Variants in TOP1 observed in about 807,000 individuals in gnomAD.
TOP1 encodes DNA topoisomerase 1.
Under a neutral mutation model 111.1 loss-of-function variants are expected in TOP1, and 10 were observed. The ratio of observed to expected loss-of-function variants is 0.09; its 90% confidence interval spans 0.06 to 0.15. TOP1 has a LOEUF of 0.15. Among genes scored for constraint, TOP1 ranks in the 10% least tolerant of loss-of-function variants. The pLI is 1.00. For missense variants in TOP1, 474 were observed against 926.7 expected, an observed-to-expected ratio of 0.51 and a Z score of 6.34; for synonymous variants, 271 against 302.9, an observed-to-expected ratio of 0.89 and a Z score of 1.10.
intron 3 of TOP1, chr20:41,073,415 AC>A: frequency 2.0e-6 from 2 of 984,816 alleles, no homozygotes; most frequent in Non-Finnish European, 2.4e-6. Flanking sequence ...AAGAAAAGAA[AC>A]AAGCAACCCC....
chr20:41,076,917 T>C (rs2033734012), intron 4 of TOP1, among the ~76,000 whole-genome samples: 1 of 152,198 alleles, frequency 6.6e-6, no homozygotes, highest in African/African-American at 2.4e-5. Flanking sequence ...CTTCCATAGA[T>C]ACTCTGTATA....
rs2034446537 is a variant in TOP1 at position 41,123,072 on chromosome 20, C to T, written c.2196-123C>T. 2 of 652,136 alleles carry T rather than the reference C, an allele frequency of 3.1e-6. No individual in the cohort carries two copies. The highest frequency in any genetic ancestry group is 5.5e-6 in the Non-Finnish European group (2 of 362,504). 40.4% of individuals were successfully genotyped at this position (652,136 alleles called of 1,614,324 possible). On this transcript the variant is annotated intron_variant, in intron 20 of 20. Transcript: ENST00000361337. This position sits in a 1 kb window ranked among gnomAD's most constrained non-coding sequence, Gnocchi z 5.8. ...AAACCTTTAGAACATGCTTGGTGCA[C>T]TATTAATTTGCATCCTCACTAGACA...
chr20:41,081,128 A>G, intron 6 of TOP1, 37 bp from the exon 7 acceptor site: 2 of 1,563,258 alleles, frequency 1.3e-6, no homozygotes, highest in Non-Finnish European at 8.7e-7. Context: ...CCTGAATCAT[A>G]ATTATGTTAA....
At position 41,114,225 on chromosome 20, in the gene TOP1, T is replaced by G. The variant is rs754130462; in HGVS notation, c.1638+70T>G. ...AACAAGCATGGGTTGACTGCTTTTT[T>G]GTGTGCTTTGCACTTTGCTGGGCAC... On this transcript the variant is annotated intron_variant, in intron 15 of 20. Coordinates refer to ENST00000361337, the MANE Select transcript of TOP1 (RefSeq NM_003286.4). The surrounding 1 kb of genome is among the most constrained non-coding windows in gnomAD (Gnocchi z 4.5). 2.1e-4 allele frequency: 291 copies of G among 1,413,700 alleles called. No individual in the cohort carries two copies. The highest frequency in any genetic ancestry group is 2.8e-4 in the Non-Finnish European group (283 of 1,021,428). 87.6% of individuals were successfully genotyped at this position (1,413,700 alleles called of 1,614,324 possible).
At chr20:41,039,232 G>C (rs528679074) in intron 2 of TOP1, among the ~76,000 whole-genome samples, 1 of 152,176 alleles carries the variant, frequency 6.6e-6, no homozygotes, top group Non-Finnish European at 1.5e-5. Flanking sequence ...AAATTAGTAC[G>C]TTGTAGGTAT....
intron 11 of TOP1, among the ~76,000 whole-genome samples, chr20:41,099,582 G>A (rs2034030452): frequency 6.6e-6 from 1 of 152,068 alleles, no homozygotes; most frequent in South Asian, 2.1e-4. Flanking sequence ...ATAGTATAGA[G>A]TGTATATACC....
intron 3 of TOP1, among the ~76,000 whole-genome samples, chr20:41,075,691 A>G (rs1392647031): frequency 6.6e-6 from 1 of 152,204 alleles, no homozygotes; most frequent in African/African-American, 2.4e-5. Context: ...AGAAGTGACT[A>G]ACTTGCCTAG....
At chr20:41,041,134 C>T (rs1203868665) in intron 2 of TOP1, among the ~76,000 whole-genome samples, 1 of 152,042 alleles carries the variant, frequency 6.6e-6, no homozygotes, top group Non-Finnish European at 1.5e-5. Context: ...CTTTTGTTAT[C>T]CTCTTTTAAT....
rs2033969669 is a variant in TOP1 at position 41,095,448 on chromosome 20, C to T, written c.731-1772C>T. 1.3e-5 allele frequency among the ~76,000 whole-genome samples: 2 copies of T among 151,952 alleles called. No homozygotes were observed. Among genetic ancestry groups the T allele is most frequent in the African/African-American group, 2.4e-5 (1 of 41,348 alleles). ...TTAATGTTTTCCTTTATATTGGAAA[C>T]ATGTTACAGTTTTCTAAAGAAGTTC... On this transcript the variant is annotated intron_variant, in intron 9 of 20. Transcript: ENST00000361337. The surrounding 1 kb of genome is among the most constrained non-coding windows in gnomAD (Gnocchi z 4.6).
intron 2 of TOP1, among the ~76,000 whole-genome samples, chr20:41,040,589 C>T (rs1262237895): frequency 6.6e-6 from 1 of 152,008 alleles, no homozygotes; most frequent in Non-Finnish European, 1.5e-5. Flanking sequence ...TGAGAAGTCC[C>T]TAAGAAGTGC....
rs2034214055 is a variant in TOP1 at position 41,110,246 on chromosome 20, C to T, written c.1309-2536C>T. Among the ~76,000 whole-genome samples, 1 of 152,074 alleles carries T rather than the reference C, an allele frequency of 6.6e-6. No homozygotes were observed. ...GTTGCACTGAGCCGAGATTGCATCA[C>T]TGTACTCCAGCCTGGTGACAGAGCG... On this transcript the variant is annotated intron_variant, in intron 13 of 20. Transcript: ENST00000361337. The surrounding 1 kb of genome is among the most constrained non-coding windows in gnomAD (Gnocchi z 4.2).
chr20:41,053,062 T>G (rs140456110), intron 2 of TOP1, among the ~76,000 whole-genome samples: 109 of 152,332 alleles, frequency 7.2e-4, no homozygotes, highest in African/African-American at 2.3e-3. Context: ...GGGATTTTAT[T>G]TTTTAATATG....
At chr20:41,103,216 A>G (rs2034092363) in intron 13 of TOP1, among the ~76,000 whole-genome samples, 1 of 152,250 alleles carries the variant, frequency 6.6e-6, no homozygotes, top group South Asian at 2.1e-4. Flanking sequence ...TGGATCTTCT[A>G]AGCATACCGC....
intron 8 of TOP1, among the ~76,000 whole-genome samples, chr20:41,084,893 T>C (rs2145940774): frequency 6.6e-6 from 1 of 152,260 alleles, no homozygotes; most frequent in Admixed American, 6.5e-5. Context: ...ATTATGTAAG[T>C]CGTGTTGGGA....
intron 2 of TOP1, among the ~76,000 whole-genome samples, chr20:41,043,093 C>T (rs2033288308): frequency 6.6e-6 from 1 of 152,202 alleles, no homozygotes; most frequent in Non-Finnish European, 1.5e-5. Context: ...TGTGTGGTTT[C>T]CTGATCAGCA....
intron 3 of TOP1, chr20:41,073,328 A>G (rs970740611): frequency 2.0e-6 from 2 of 984,872 alleles, no homozygotes; most frequent in Non-Finnish European, 2.4e-6. Flanking sequence ...GTGTTCCTGA[A>G]TTCAGATTCC....
intron 9 of TOP1, among the ~76,000 whole-genome samples, chr20:41,096,036 GCTTT>G (rs2033976835): frequency 6.6e-6 from 1 of 152,150 alleles, no homozygotes; most frequent in African/African-American, 2.4e-5. Flanking sequence ...CCAGTTAGCA[GCTTT>G]CATTGTGAAA....
Position 41,032,535 on chromosome 20 carries a change from A to G in TOP1, c.58+3080A>G, listed in dbSNP as rs1186061828. ...AATGGTAATACCAGGTTAAAGTGTTAGCGATTCTTCTGCTGTTTCAGAGGT... is the reference window on the plus strand; with the variant it reads ...AATGGTAATACCAGGTTAAAGTGTTGGCGATTCTTCTGCTGTTTCAGAGGT... On this transcript the variant is annotated intron_variant, in intron 2 of 20. Transcript: ENST00000361337. This position sits in a 1 kb window ranked among gnomAD's most constrained non-coding sequence, Gnocchi z 4.3. Among the ~76,000 whole-genome samples, 4 of 152,218 alleles carry G rather than the reference A, an allele frequency of 2.6e-5. No homozygotes were observed. The South Asian group carries it at 8.3e-4, about 32-fold the overall frequency.
chr20:41,033,045 T>G (rs1399145074), intron 2 of TOP1, among the ~76,000 whole-genome samples: 1 of 152,202 alleles, frequency 6.6e-6, no homozygotes. Flanking sequence ...GCCGCTAGGA[T>G]TTTTATACTA....
Sources: allele counts gnomAD v4.1 joint callset (sites outside exome capture counted in the v4.1 genomes callset), GRCh38; gene constraint gnomAD v4.1.1; non-coding constraint Gnocchi (gnomAD v3.1); transcripts MANE v1.5; gene names NCBI Gene and HGNC (gene_info 2026-07-23, HGNC 2026-07-21).